The following ATRNL1 variants were observed in gnomAD, a reference collection of about 807,000 sequenced individuals.
The protein encoded by ATRNL1 is attractin like 1.
A neutral mutation model predicts 182.7 loss-of-function variants in ATRNL1; 95 were observed. The observed-to-expected ratio is 0.52, with a 90% confidence interval of 0.44 to 0.62. The LOEUF is 0.62. ATRNL1 is among the 20% of genes least tolerant of loss of function. The probability of loss-of-function intolerance (pLI) is 0.00; values close to 1 mark genes in which losing one functional copy is unlikely to be tolerated. For synonymous variants in ATRNL1, 576 were observed against 568.3 expected (o/e 1.01, Z -0.19); for missense variants, 1,471 against 1,679.5 (o/e 0.88, Z 2.17).
chr10:115,618,856 T>C (rs962279422), intron 26 of ATRNL1, among the ~76,000 whole-genome samples: 3 of 152,240 alleles, frequency 2.0e-5, no homozygotes, highest in Non-Finnish European at 2.9e-5. Context: ...AGTATTATTA[T>C]GTTCCTTGGG....
In ATRNL1 at chr10:115,235,230, T is replaced by C. The variant is rs147326553; in HGVS notation, c.1533-6341T>C. 3.9e-5 allele frequency among the ~76,000 whole-genome samples: 6 copies of C among 152,332 alleles called. No homozygotes were observed. In the East Asian group the frequency reaches 1.2e-3, roughly 29 times the overall value. ...TTAAATTTTTGTGAAAAAACCTTTT[T>C]TATTGAGATAAAAGTCATAACATAA... On this transcript the variant is annotated intron_variant, in intron 9 of 28. Transcript: ENST00000355044.
chr10:115,422,391 C>G (rs1177675672), intron 20 of ATRNL1, among the ~76,000 whole-genome samples: 1 of 152,142 alleles, frequency 6.6e-6, no homozygotes, highest in Admixed American at 6.5e-5. Flanking sequence ...CATGAACACA[C>G]ACTTTTCAGA....
intron 1 of ATRNL1, among the ~76,000 whole-genome samples, chr10:115,108,956 C>A (rs376882994): frequency 1.3e-5 from 2 of 152,230 alleles, no homozygotes; most frequent in South Asian, 4.1e-4. Context: ...ATGGCTATTA[C>A]TCCAGTTTGC....
chr10:115,242,516 TATAA>T (rs1159752458), intron 10 of ATRNL1, among the ~76,000 whole-genome samples: 1 of 151,924 alleles, frequency 6.6e-6, no homozygotes, highest in Non-Finnish European at 1.5e-5. Flanking sequence ...TTATTGAGGG[TATAA>T]ATAAAGTATT....
At chr10:115,667,293 G>C (rs1861054998) in intron 26 of ATRNL1, among the ~76,000 whole-genome samples, 1 of 152,270 alleles carries the variant, frequency 6.6e-6, no homozygotes, top group East Asian at 1.9e-4. Context: ...ATCTATTGTG[G>C]TGTAACGAAC....
At chr10:115,461,238 A>G (rs1847782135) in intron 21 of ATRNL1, among the ~76,000 whole-genome samples, 1 of 152,114 alleles carries the variant, frequency 6.6e-6, no homozygotes, top group Non-Finnish European at 1.5e-5. Context: ...GTTTAATGTT[A>G]TTAGCAATAC....
At chr10:115,389,563 T>TATATATATATAC (rs1843893031) in intron 19 of ATRNL1, among the ~76,000 whole-genome samples, 6 of 108,822 alleles carry the variant, frequency 5.5e-5, no homozygotes, top group Admixed American at 2.6e-4. Flanking sequence ...TATATATATA[T>TATATATATATAC]ATATATATAT....
At position 115,350,334 on chromosome 10, in the gene ATRNL1, C is replaced by CAAAAAAAAAAAAA. The variant is rs1424122017; in HGVS notation, c.3175+15926_3175+15927insAAAAAAAAAAAAA. Reference sequence around the variant, plus strand: ...CTGGTGACAGAGCAAGACTCTGTCTCAAAAAAAAAAAGAAAAAAAAAAAAA... The same window carrying CAAAAAAAAAAAAA: ...CTGGTGACAGAGCAAGACTCTGTCTCAAAAAAAAAAAAAAAAAAAAAAAAGAAAAAAAAAAAAA... On this transcript the variant is annotated intron_variant, in intron 19 of 28. Transcript: ENST00000355044. Among the ~76,000 whole-genome samples the CAAAAAAAAAAAAA allele has an allele frequency of 1.5e-3, 45 of 29,724 alleles. 6 individuals are homozygous for CAAAAAAAAAAAAA. The highest frequency in any genetic ancestry group is 2.0e-3 in the Admixed American group (3 of 1,492). The allele number at this position is 29,724 out of a possible 152,430, so 19.5% of individuals were successfully genotyped here. A position where few individuals can be genotyped will look rare whatever the true frequency, so the allele number is the denominator to read the frequency against.
chr10:115,868,721 T>C (rs1470837257), intron 28 of ATRNL1, among the ~76,000 whole-genome samples: 1 of 151,872 alleles, frequency 6.6e-6, no homozygotes, highest in Non-Finnish European at 1.5e-5. Context: ...ATGGGTTTCA[T>C]ATAATACTGA....
chr10:115,871,963 T>C (rs1951596452), intron 28 of ATRNL1, among the ~76,000 whole-genome samples: 2 of 152,170 alleles, frequency 1.3e-5, no homozygotes, highest in Admixed American at 1.3e-4. Flanking sequence ...TCTTGCTACT[T>C]GTTTTGGGGA....
chr10:115,234,833 C>T (rs1235044693), intron 9 of ATRNL1, among the ~76,000 whole-genome samples: 2 of 152,042 alleles, frequency 1.3e-5, no homozygotes, highest in Non-Finnish European at 1.5e-5. Context: ...AAGCCATCCG[C>T]CCGCCTTGGC....
intron 26 of ATRNL1, among the ~76,000 whole-genome samples, chr10:115,621,097 A>G (rs1378617880): frequency 1.3e-5 from 2 of 151,804 alleles, no homozygotes; most frequent in African/African-American, 4.8e-5. Flanking sequence ...AAGACTGTTG[A>G]AGCATTCAGT....
chr10:115,249,481 C>T (rs1343870836), intron 10 of ATRNL1, among the ~76,000 whole-genome samples: 1 of 152,042 alleles, frequency 6.6e-6, no homozygotes, highest in Non-Finnish European at 1.5e-5. Context: ...CTGCCTTCAG[C>T]TTGAGTTTTT....
At chr10:115,625,733 A>C (rs1858052733) in intron 26 of ATRNL1, among the ~76,000 whole-genome samples, 1 of 152,110 alleles carries the variant, frequency 6.6e-6, no homozygotes, top group Admixed American at 6.5e-5. Flanking sequence ...CTATTCCCAG[A>C]ACTCCATTCA....
chr10:115,230,765 A>G (rs1554899750), intron 9 of ATRNL1, among the ~76,000 whole-genome samples: 3 of 152,034 alleles, frequency 2.0e-5, no homozygotes, highest in African/African-American at 4.8e-5. Flanking sequence ...ATCTGGAACC[A>G]TAGAGGCCAA....
intron 21 of ATRNL1, among the ~76,000 whole-genome samples, chr10:115,441,496 C>T (rs1182663615): frequency 2.0e-5 from 3 of 151,904 alleles, no homozygotes; most frequent in African/African-American, 4.8e-5. Flanking sequence ...CCTACTCTGT[C>T]ACTGACTGCA....
chr10:115,563,469 A>G (rs1248064361), intron 26 of ATRNL1, among the ~76,000 whole-genome samples: 1 of 152,160 alleles, frequency 6.6e-6, no homozygotes, highest in East Asian at 1.9e-4. Flanking sequence ...TGCTAGGTAT[A>G]TACTGTTAAC....
chr10:115,376,787 G>A (rs573424504), intron 19 of ATRNL1, among the ~76,000 whole-genome samples: 3 of 152,264 alleles, frequency 2.0e-5, no homozygotes, highest in Non-Finnish European at 4.4e-5. Context: ...TTTTCAGCCA[G>A]TATTTCTATA....
chr10:115,879,128 C>A (rs1555107901), intron 28 of ATRNL1, among the ~76,000 whole-genome samples: 1 of 151,784 alleles, frequency 6.6e-6, no homozygotes, highest in African/African-American at 2.4e-5. Context: ...TAGCAAGATC[C>A]TGTTTCTACT....
Sources: gnomAD v4.1 joint callset for allele counts (sites outside exome capture counted in the v4.1 genomes callset) on GRCh38, gnomAD v4.1.1 for gene constraint, MANE v1.5 for transcripts, NCBI Gene and HGNC (gene_info 2026-07-23, HGNC 2026-07-21) for gene names.